The following BCKDHB variants were observed in gnomAD, a reference collection of about 807,000 sequenced individuals.
BCKDHB encodes branched chain keto acid dehydrogenase E1 subunit beta.
In BCKDHB, 41 loss-of-function variants were observed where a neutral mutation model predicts 48.5. The observed-to-expected ratio is 0.85, with a 90% CI of 0.66 to 1.10. The LOEUF (loss-of-function observed/expected upper bound fraction) is 1.10. Among genes scored for constraint, BCKDHB ranks in the 50% least tolerant of loss-of-function variants. BCKDHB has a pLI of 0.00. For missense variants in BCKDHB, 496 were observed against 494.2 expected, an observed-to-expected ratio of 1.00 and a Z score of -0.03; for synonymous variants, 201 against 174.8, an observed-to-expected ratio of 1.15 and a Z score of -1.18.
chr6:80,440,690 T>A, the BCKDHB span: 4 of 151,640 alleles, frequency 2.6e-5, no homozygotes, highest in Non-Finnish European at 5.9e-5. Flanking sequence ...TTCAGTTGAG[T>A]CACTCAGTCA....
At chr6:80,462,357 T>C in the BCKDHB span, among the ~76,000 whole-genome samples, 1 of 152,146 alleles carries the variant, frequency 6.6e-6, no homozygotes, top group Non-Finnish European at 1.5e-5. Flanking sequence ...ACTCAACAGA[T>C]ATGTTTTAGA....
intron 5 of BCKDHB, among the ~76,000 whole-genome samples, chr6:80,170,323 G>A (rs80016898): frequency 0.035 from 5,265 of 152,212 alleles, 304 homozygotes; most frequent in African/African-American, 0.12. Flanking sequence ...GGAATCTTAA[G>A]TCTTTGTGGT....
the BCKDHB span, among the ~76,000 whole-genome samples, chr6:80,447,865 A>G: frequency 6.6e-6 from 1 of 152,178 alleles, no homozygotes; most frequent in Admixed American, 6.6e-5. Context: ...GCCATTTTAC[A>G]GACATGGAAA....
intron 9 of BCKDHB, among the ~76,000 whole-genome samples, chr6:80,291,652 CTTTTGT>C (rs763039668): frequency 2.6e-5 from 4 of 152,024 alleles, no homozygotes; most frequent in Non-Finnish European, 5.9e-5. Flanking sequence ...TTATCCATCC[CTTTTGT>C]TTTTTTTTCT....
the BCKDHB span, among the ~76,000 whole-genome samples, chr6:80,415,457 T>A: frequency 6.6e-6 from 1 of 152,182 alleles, no homozygotes; most frequent in Non-Finnish European, 1.5e-5. Context: ...AAATACCTAA[T>A]AAATTCAGAG....
At chr6:80,240,559 T>C (rs1292915658) in intron 8 of BCKDHB, among the ~76,000 whole-genome samples, 2 of 152,168 alleles carry the variant, frequency 1.3e-5, no homozygotes, top group Non-Finnish European at 2.9e-5. Context: ...CTTAAGGAGA[T>C]TTTGGGCTGA....
chr6:80,461,855 G>C, the BCKDHB span, among the ~76,000 whole-genome samples: 1 of 152,134 alleles, frequency 6.6e-6, no homozygotes, highest in Admixed American at 6.6e-5. Context: ...AAAACCAACA[G>C]ATGACAGCAA....
chr6:80,382,263 A>G, the BCKDHB span, among the ~76,000 whole-genome samples: 1 of 152,142 alleles, frequency 6.6e-6, no homozygotes, highest in Admixed American at 6.6e-5. Context: ...CGAGACAAAA[A>G]TTTTGGTTTA....
chr6:80,216,706 T>C (rs1266334046), intron 8 of BCKDHB, among the ~76,000 whole-genome samples: 1 of 152,208 alleles, frequency 6.6e-6, no homozygotes, highest in African/African-American at 2.4e-5. Context: ...TTTAACATTT[T>C]AGGTGTAATA....
intron 5 of BCKDHB, chr6:80,169,978 C>T (rs1647116684): frequency 7.9e-7 from 1 of 1,265,290 alleles, no homozygotes; most frequent in Non-Finnish European, 1.0e-6. Context: ...TTTTTAAGAA[C>T]AGATCTTTTC....
chr6:80,461,598 A>G, the BCKDHB span, among the ~76,000 whole-genome samples: 3 of 152,304 alleles, frequency 2.0e-5, no homozygotes, highest in Admixed American at 2.0e-4. Flanking sequence ...CAAGTAAAGA[A>G]GTCCTGGATG....
the BCKDHB span, chr6:80,356,953 C>CG: frequency 4.0e-5 from 1 of 25,246 alleles, no homozygotes. Context: ...CCCGCCCCCG[C>CG]CCCCCCCCCA....
intron 3 of BCKDHB, among the ~76,000 whole-genome samples, chr6:80,134,604 A>C (rs1381178693): frequency 6.6e-6 from 1 of 152,092 alleles, no homozygotes; most frequent in Non-Finnish European, 1.5e-5. Flanking sequence ...AGAGGAACAC[A>C]GTTTTTTCAT....
chr6:80,397,642 G>A, the BCKDHB span, among the ~76,000 whole-genome samples: 1 of 152,232 alleles, frequency 6.6e-6, no homozygotes, highest in East Asian at 1.9e-4. Flanking sequence ...CAGCACTTTG[G>A]GAGGCCAAGA....
chr6:80,134,829 T>C, intron 3 of BCKDHB, among the ~76,000 whole-genome samples: 1 of 152,236 alleles, frequency 6.6e-6, no homozygotes, highest in African/African-American at 2.4e-5. Flanking sequence ...CTCAGCTCAC[T>C]GCAACTTCCA....
chr6:80,347,027 A>C (rs779820349), downstream of BCKDHB, among the ~76,000 whole-genome samples: 1 of 151,958 alleles, frequency 6.6e-6, no homozygotes, highest in Admixed American at 6.6e-5. Flanking sequence ...ACACTTTTCT[A>C]TAACTACAAT....
chr6:80,466,253 A>G, the BCKDHB span, among the ~76,000 whole-genome samples: 1 of 152,206 alleles, frequency 6.6e-6, no homozygotes, highest in Non-Finnish European at 1.5e-5. Flanking sequence ...TATTATACTT[A>G]CACATATATT....
intron 1 of BCKDHB, among the ~76,000 whole-genome samples, chr6:80,120,769 G>T (rs1402301012): frequency 6.6e-6 from 1 of 152,122 alleles, no homozygotes; most frequent in Non-Finnish European, 1.5e-5. Flanking sequence ...TTAGCCCTTT[G>T]TCAGATGGGT....
chr6:80,298,412 T>G (rs1255208122), intron 9 of BCKDHB, among the ~76,000 whole-genome samples: 2 of 152,186 alleles, frequency 1.3e-5, no homozygotes, highest in Non-Finnish European at 2.9e-5. Context: ...CCTGCCCCTT[T>G]TAAATTTCTT....
Sources: allele counts gnomAD v4.1 joint callset (sites outside exome capture counted in the v4.1 genomes callset), GRCh38; gene constraint gnomAD v4.1.1; transcripts MANE v1.5; gene names NCBI Gene and HGNC (gene_info 2026-07-23, HGNC 2026-07-21).